Variants in ATP13A5 observed in about 807,000 individuals in gnomAD.
ATP13A5 encodes the protein ATPase 13A5.
In ATP13A5, 149 loss-of-function variants were observed where a neutral mutation model predicts 150.2. The observed-to-expected ratio is 0.99, with a 90% CI of 0.87 to 1.14. ATP13A5 has a LOEUF of 1.14. Among genes scored for constraint, ATP13A5 ranks in the 50% most tolerant of loss-of-function variants. ATP13A5 has a pLI of 0.00. For missense variants in ATP13A5, 1,383 were observed against 1,449.3 expected, an observed-to-expected ratio of 0.95 and a Z score of 0.74; for synonymous variants, 497 against 522.2, an observed-to-expected ratio of 0.95 and a Z score of 0.66.
intron 11 of ATP13A5, among the ~76,000 whole-genome samples, chr3:193,333,417 G>A (rs765863357): frequency 2.6e-5 from 4 of 152,144 alleles, no homozygotes; most frequent in Non-Finnish European, 5.9e-5. Flanking sequence ...ACCAGGCTAT[G>A]ACAAGGAGCA....
chr3:193,344,368 C>T lies in ATP13A5; in HGVS notation c.815-313G>A, dbSNP rs552129528. On this transcript the variant is annotated intron_variant, in intron 8 of 29. Coordinates refer to ENST00000342358, the MANE Select transcript of ATP13A5 (RefSeq NM_198505.4). Reference sequence around the variant, plus strand: ...CAGCTTCCTGCTGTTTGCTCTCGTCCGGGTTTCTGATTCCTGTGGTTGGTA... The same window carrying T: ...CAGCTTCCTGCTGTTTGCTCTCGTCTGGGTTTCTGATTCCTGTGGTTGGTA... Among the ~76,000 whole-genome samples, 7 of 152,262 alleles carry T rather than the reference C, an allele frequency of 4.6e-5. No individual in the cohort carries two copies. In the East Asian group the frequency reaches 5.8e-4, roughly 13 times the overall value.
chr3:193,317,041 A>AT (rs1357574761), intron 17 of ATP13A5, among the ~76,000 whole-genome samples: 10 of 152,220 alleles, frequency 6.6e-5, no homozygotes, highest in Non-Finnish European at 1.2e-4. Flanking sequence ...CTTTGTTTCT[A>AT]TTTTATGATG....
intron 11 of ATP13A5, among the ~76,000 whole-genome samples, chr3:193,332,291 C>T (rs1160818770): frequency 6.6e-6 from 1 of 152,216 alleles, no homozygotes; most frequent in Non-Finnish European, 1.5e-5. Context: ...GAGGCCTCCC[C>T]AGCCATGTGG....
At chr3:193,326,975 A>G (rs1285050645) in intron 13 of ATP13A5, 21 bp downstream of exon 13, 5 of 1,611,894 alleles carry the variant, frequency 3.1e-6, no homozygotes, top group East Asian at 2.2e-5. Context: ...CACACCTTCC[A>G]TTTTCACATA....
chr3:193,313,950 TG>T, intron 19 of ATP13A5, 82 bp downstream of exon 19: 1 of 1,455,048 alleles, frequency 6.9e-7, no homozygotes, highest in Non-Finnish European at 9.4e-7. Flanking sequence ...AGATGACTCC[TG>T]GAGTTGAGAG....
intron 26 of ATP13A5, among the ~76,000 whole-genome samples, chr3:193,286,292 G>A (rs1302850044): frequency 1.3e-5 from 2 of 151,986 alleles, no homozygotes; most frequent in Non-Finnish European, 2.9e-5. Context: ...CTGTAGTCTA[G>A]AAATGCTTTT....
Position 193,335,506 on chromosome 3 carries a change from C to A in ATP13A5, c.944-407G>T, listed in dbSNP as rs568065191. 7.6e-4 allele frequency among the ~76,000 whole-genome samples: 116 copies of A among 152,270 alleles called. 2 individuals are homozygous for A. The South Asian group carries it at 0.024, about 31-fold the overall frequency. On this transcript the variant is annotated intron_variant, in intron 9 of 29. Coordinates refer to ENST00000342358, the MANE Select transcript of ATP13A5 (RefSeq NM_198505.4). ...ATTTATTCATTTGTTTATTCATTCACCCATTCATTCAGCTATTTTAGGTGC... is the reference window on the plus strand; with the variant it reads ...ATTTATTCATTTGTTTATTCATTCAACCATTCATTCAGCTATTTTAGGTGC...
intron 5 of ATP13A5, among the ~76,000 whole-genome samples, chr3:193,354,720 C>T (rs913931172): frequency 1.3e-5 from 2 of 151,684 alleles, no homozygotes; most frequent in Non-Finnish European, 2.9e-5. Context: ...ACTTGGTAAA[C>T]GTGTATATTA....
In ATP13A5 at chr3:193,321,665, A is replaced by T; in HGVS notation, c.1915+16T>A. Reference sequence around the variant, plus strand: ...ACAAAAGTATTTTACTTCTTGAAAGAGAAAAGTGTTAGTACCTGTTTCAGA... The same window carrying T: ...ACAAAAGTATTTTACTTCTTGAAAGTGAAAAGTGTTAGTACCTGTTTCAGA... On this transcript the variant is annotated intron_variant, in intron 16 of 29. Transcript: ENST00000342358. 6.2e-7 allele frequency: 1 copy of T among 1,611,780 alleles called. No homozygotes were observed. The highest frequency in any genetic ancestry group is 8.5e-7 in the Non-Finnish European group (1 of 1,178,606).
chr3:193,341,485 G>C (rs1712125952), intron 9 of ATP13A5, among the ~76,000 whole-genome samples: 1 of 152,174 alleles, frequency 6.6e-6, no homozygotes, highest in South Asian at 2.1e-4. Context: ...GAAGAGGTGT[G>C]CACCACAGTA....
rs756558635 is a variant in ATP13A5, at chr3:193,310,664, G to T, written c.2499C>A (p.Ser833Arg). ...FARMSPGQKS[S>R]LIEEFQKLNY... ...TTAATTTCTGAAATTCTTCAATAAG[G>T]CTTGATTTCTGCCCAGGAGACATTC... Residue 833 changes from serine (S) to arginine (R), a missense_variant, in exon 21 of 30, where the codon AGC becomes AGA. By Grantham distance (110) the Ser-to-Arg change is moderately radical. This residue lies in a region of ATP13A5 where 568 missense variants were observed against 621.5 expected (regional missense o/e 0.91). Coordinates refer to ENST00000342358, the MANE Select transcript of ATP13A5 (RefSeq NM_198505.4). The T allele has an allele frequency of 1.2e-6, 2 of 1,607,900 alleles. No individual in the cohort carries two copies. Among genetic ancestry groups the T allele is most frequent in the Middle Eastern group, 1.7e-4 (1 of 6,026 alleles).
chr3:193,318,497 T>C (rs1719136166), intron 17 of ATP13A5, among the ~76,000 whole-genome samples: 3 of 152,198 alleles, frequency 2.0e-5, no homozygotes, highest in African/African-American at 7.2e-5. Context: ...AGTAATTCAA[T>C]TTGCCCTTGT....
At chr3:193,297,045 G>A (rs1718201580) in intron 25 of ATP13A5, among the ~76,000 whole-genome samples, 1 of 152,054 alleles carries the variant, frequency 6.6e-6, no homozygotes, top group Non-Finnish European at 1.5e-5. Flanking sequence ...GTTGAACTGT[G>A]CAGCAAACCA....
chr3:193,331,300 T>C lies in ATP13A5; in HGVS notation c.1284A>G (p.Lys428=). The C allele has an allele frequency of 6.2e-7, 1 of 1,613,030 alleles. No individual in the cohort carries two copies. The highest frequency in any genetic ancestry group is 8.5e-7 in the Non-Finnish European group (1 of 1,179,694). ...GGATCAGGGCCATGGTCACAGTATCTTTTGGAGGAACCTGGGAGAGGACAG... is the reference window on the plus strand; with the variant it reads ...GGATCAGGGCCATGGTCACAGTATCCTTTGGAGGAACCTGGGAGAGGACAG... The part of the protein sequence containing the change: ...GVYMYHGVPP[K]DTVTMALILL... Residue 428 remains lysine, a synonymous_variant, in exon 12 of 30, where the codon AAA becomes AAG. Coordinates refer to ENST00000342358, the MANE Select transcript of ATP13A5 (RefSeq NM_198505.4).
At position 193,364,258 on chromosome 3, in the gene ATP13A5, T is replaced by TG; in HGVS notation, c.85dup (p.His29ProfsTer85). ...AAGGCAGAAGGCTTTCCGTACATTG[T>TG]GGTCCCGGTAACCAAACACCTCCTG... On this transcript the variant is annotated frameshift_variant, in exon 2 of 30. Transcript: ENST00000342358. LOFTEE classifies it high-confidence loss of function. The TG allele has an allele frequency of 6.2e-7, 1 of 1,613,814 alleles. No homozygotes were observed.
intron 25 of ATP13A5, among the ~76,000 whole-genome samples, chr3:193,290,738 C>T (rs1465898711): frequency 2.6e-5 from 4 of 151,948 alleles, no homozygotes; most frequent in Middle Eastern, 3.4e-3. Context: ...AAATTTAAAG[C>T]GTTTGGAAAT....
At chr3:193,327,763 G>T (rs1216602554) in intron 12 of ATP13A5, among the ~76,000 whole-genome samples, 3 of 152,126 alleles carry the variant, frequency 2.0e-5, no homozygotes, top group African/African-American at 7.2e-5. Flanking sequence ...TTGTTTCACA[G>T]GTGTTGATGA....
intron 1 of ATP13A5, among the ~76,000 whole-genome samples, chr3:193,375,996 G>A (rs1303474405): frequency 2.0e-5 from 3 of 152,174 alleles, no homozygotes; most frequent in African/African-American, 7.2e-5. Context: ...GTAGAAGTTA[G>A]ACCGGGCCAC....
intron 25 of ATP13A5, among the ~76,000 whole-genome samples, chr3:193,293,773 G>C (rs2108831756): frequency 6.6e-6 from 1 of 152,064 alleles, no homozygotes; most frequent in Middle Eastern, 3.4e-3. Context: ...AAGATGAAAT[G>C]GTTTGTATTT....
Sources: gnomAD v4.1 joint callset for allele counts (sites outside exome capture counted in the v4.1 genomes callset) on GRCh38, gnomAD v4.1.1 for gene constraint, gnomAD v4.1.1 regional missense constraint, MANE v1.5 for transcripts, NCBI Gene and HGNC (gene_info 2026-07-23, HGNC 2026-07-21) for gene names.